The following ATP8B4 variants were observed in gnomAD, a reference collection of about 807,000 sequenced individuals.
ATP8B4 encodes probable phospholipid-transporting ATPase IM.
In ATP8B4, 133 loss-of-function variants were observed where a neutral mutation model predicts 145.6. That is an observed-to-expected ratio of 0.91 (90% CI 0.79 to 1.05). The LOEUF is 1.05. ATP8B4 is among the 50% of genes least tolerant of loss of function. The pLI is 0.00. For missense variants in ATP8B4, 1,458 were observed against 1,425.2 expected (o/e 1.02, Z -0.37); for synonymous variants, 507 against 492.9 (o/e 1.03, Z -0.38).
chr15:49,961,954 A>G (rs2044117651), intron 14 of ATP8B4, 23 bp downstream of exon 14: 1 of 1,567,720 alleles, frequency 6.4e-7, no homozygotes, highest in Non-Finnish European at 8.7e-7. Flanking sequence ...AAAACTAAGA[A>G]TAAAATTTTA....
intron 20 of ATP8B4, among the ~76,000 whole-genome samples, chr15:49,913,186 G>A (rs917196031): frequency 7.3e-5 from 11 of 150,050 alleles, no homozygotes; most frequent in Non-Finnish European, 1.5e-4. Context: ...AATACACCAC[G>A]ATCAAGTGAA....
chr15:50,061,897 A>G (rs1188112756), intron 3 of ATP8B4, among the ~76,000 whole-genome samples: 1 of 152,236 alleles, frequency 6.6e-6, no homozygotes, highest in Non-Finnish European at 1.5e-5. Flanking sequence ...ATCTCTTCCT[A>G]GAAAATTATC....
chr15:50,044,795 T>C, intron 4 of ATP8B4, 103 bp from the exon 5 acceptor site: 1 of 706,486 alleles, frequency 1.4e-6, no homozygotes, highest in Non-Finnish European at 2.3e-6. Flanking sequence ...ATTGACTTAT[T>C]TGTACAAATG....
intron 1 of ATP8B4, among the ~76,000 whole-genome samples, chr15:50,163,140 T>C (rs1239791097): frequency 6.6e-6 from 1 of 152,226 alleles, no homozygotes; most frequent in Admixed American, 6.5e-5. Context: ...ATTAAGTTCA[T>C]TTGATGTGGT....
At chr15:49,932,305 T>A (rs1237573455) in intron 15 of ATP8B4, among the ~76,000 whole-genome samples, 1 of 151,932 alleles carries the variant, frequency 6.6e-6, no homozygotes, top group Non-Finnish European at 1.5e-5. Context: ...AAACACTAGA[T>A]GTTACCAGTG....
At chr15:49,929,546 TA>T (rs2041061237) in intron 16 of ATP8B4, among the ~76,000 whole-genome samples, 1 of 152,004 alleles carries the variant, frequency 6.6e-6, no homozygotes, top group South Asian at 2.1e-4. Context: ...AGATCGAAGC[TA>T]AACAGCTGTA....
intron 11 of ATP8B4, among the ~76,000 whole-genome samples, 200 bp from the exon 12 acceptor site, chr15:49,980,013 T>C (rs1806393062): frequency 6.6e-6 from 1 of 152,208 alleles, no homozygotes; most frequent in Non-Finnish European, 1.5e-5. Context: ...AATTTGCCCA[T>C]TGACTCTCTA....
At chr15:49,980,386 A>G (rs911496935) in intron 11 of ATP8B4, among the ~76,000 whole-genome samples, 4 of 151,930 alleles carry the variant, frequency 2.6e-5, no homozygotes, top group Non-Finnish European at 4.4e-5. Context: ...CAGTCTTTAT[A>G]TTTTAAAGTG....
chr15:49,860,937 C>T (rs117305557), intron 27 of ATP8B4, among the ~76,000 whole-genome samples: 666 of 152,166 alleles, frequency 4.4e-3, no homozygotes, highest in Non-Finnish European at 7.5e-3. Context: ...TGTGGTAGCT[C>T]AACGTATCAT....
At chr15:49,938,023 C>CG (rs1392867627) in intron 14 of ATP8B4, among the ~76,000 whole-genome samples, 3 of 152,118 alleles carry the variant, frequency 2.0e-5, no homozygotes, top group African/African-American at 4.8e-5. Context: ...ACGTTGGACC[C>CG]GGGGGAAGGA....
chr15:50,006,671 C>T (rs939720936), intron 7 of ATP8B4, among the ~76,000 whole-genome samples: 1 of 152,108 alleles, frequency 6.6e-6, no homozygotes, highest in Non-Finnish European at 1.5e-5. Context: ...TTGTCAATTC[C>T]TCTATCAGAA....
intron 14 of ATP8B4, among the ~76,000 whole-genome samples, chr15:49,941,731 C>T (rs948744882): frequency 6.6e-6 from 1 of 152,066 alleles, no homozygotes; most frequent in Non-Finnish European, 1.5e-5. Context: ...TAAAAAGACA[C>T]CTGCACACAT....
intron 2 of ATP8B4, among the ~76,000 whole-genome samples, chr15:50,085,323 C>G (rs573937015): frequency 6.6e-6 from 1 of 152,148 alleles, no homozygotes; most frequent in Non-Finnish European, 1.5e-5. Flanking sequence ...ACCATCATCT[C>G]CTCCACTTTA....
intron 1 of ATP8B4, among the ~76,000 whole-genome samples, chr15:50,172,826 C>G (rs1406656605): frequency 5.7e-4 from 86 of 151,616 alleles, no homozygotes; most frequent in Non-Finnish European, 7.4e-5. Context: ...GTGTCTCTGC[C>G]CCGCCACCAC....
At chr15:50,121,778 C>A (rs960344035), upstream of ATP8B4, among the ~76,000 whole-genome samples, 9 of 152,070 alleles carry the variant, frequency 5.9e-5, no homozygotes, top group Non-Finnish European at 8.8e-5. Flanking sequence ...TTTCAAGAGG[C>A]CTTATTTTGT....
chr15:49,892,736 T>C (rs1159895315), intron 23 of ATP8B4, among the ~76,000 whole-genome samples: 4 of 152,188 alleles, frequency 2.6e-5, no homozygotes, highest in Non-Finnish European at 5.9e-5. Flanking sequence ...CCAAATCTCA[T>C]TGACTCTAAA....
intron 1 of ATP8B4, among the ~76,000 whole-genome samples, chr15:50,118,615 T>A (rs1278546117): frequency 1.3e-5 from 2 of 152,156 alleles, no homozygotes; most frequent in Non-Finnish European, 2.9e-5. Flanking sequence ...ACAAAACAAC[T>A]AGAAGGATAC....
At chr15:50,092,644 G>T (rs1448245495) in intron 2 of ATP8B4, among the ~76,000 whole-genome samples, 1 of 151,868 alleles carries the variant, frequency 6.6e-6, no homozygotes, top group Non-Finnish European at 1.5e-5. Context: ...CTGGAAACTG[G>T]TCAGTAGAAA....
At chr15:50,176,735 G>A (rs1239748465) in intron 1 of ATP8B4, among the ~76,000 whole-genome samples, 1 of 152,036 alleles carries the variant, frequency 6.6e-6, no homozygotes, top group East Asian at 1.9e-4. Context: ...AGTTTTCCCT[G>A]AGTTAGAATT....
Sources: gnomAD v4.1 joint callset for allele counts (sites outside exome capture counted in the v4.1 genomes callset) on GRCh38, gnomAD v4.1.1 for gene constraint, MANE v1.5 for transcripts, NCBI Gene and HGNC (gene_info 2026-07-23, HGNC 2026-07-21) for gene names.